The following KIRREL3 variants were observed in gnomAD, a reference collection of about 807,000 sequenced individuals.
KIRREL3 encodes the protein kin of IRRE-like protein 3.
A neutral mutation model predicts 89.7 loss-of-function variants in KIRREL3; 36 were observed. The ratio of observed to expected loss-of-function variants is 0.40; its 90% CI spans 0.31 to 0.53. KIRREL3 has a LOEUF of 0.53. KIRREL3 is among the 20% of genes least tolerant of loss of function. KIRREL3 has a pLI of 0.49. For missense variants in KIRREL3, 864 were observed against 1,056.6 expected, an observed-to-expected ratio of 0.82 and a Z score of 2.53; for synonymous variants, 445 against 441.4, an observed-to-expected ratio of 1.01 and a Z score of -0.10.
At chr11:126,885,025 A>C (rs1369308508) in intron 1 of KIRREL3, among the ~76,000 whole-genome samples, 1 of 152,248 alleles carries the variant, frequency 6.6e-6, no homozygotes, top group Non-Finnish European at 1.5e-5. Flanking sequence ...AGACTCTTCC[A>C]CAAATCCAAG....
intron 1 of KIRREL3, among the ~76,000 whole-genome samples, chr11:126,577,042 C>T (rs1294139356): frequency 6.6e-6 from 1 of 152,164 alleles, no homozygotes; most frequent in Non-Finnish European, 1.5e-5. Context: ...GCCACTCAAC[C>T]TCTGGGTGGG....
In KIRREL3 at chr11:126,615,387, G is replaced by A. The variant is rs572752274; in HGVS notation, c.56-52475C>T. 1.1e-3 allele frequency among the ~76,000 whole-genome samples: 173 copies of A among 152,232 alleles called. No individual in the cohort carries two copies. The highest frequency in any genetic ancestry group is 4.1e-3 in the African/African-American group (171 of 41,524). On this transcript the variant is annotated intron_variant, in intron 1 of 16. Transcript: ENST00000525144. This position sits in a 1 kb window ranked among gnomAD's most constrained non-coding sequence, Gnocchi z 5.4. The stretch of plus-strand genomic sequence containing the variant: ...CTTTATCTTGTTTAACTCTCCTAAT[G>A]CTTTAGAAGTAAGTATATTTATTAC...
rs1369745459 is a variant in KIRREL3 at position 126,742,030 on chromosome 11, G to A, written c.56-179118C>T. On this transcript the variant is annotated intron_variant, in intron 1 of 16. Transcript: ENST00000525144. This position sits in a 1 kb window ranked among gnomAD's most constrained non-coding sequence, Gnocchi z 5.3. Reference sequence around the variant, plus strand: ...AGGAGGTTGAATGGAGGACGCTTGTGCTAAGAAGGGAGAACTATTTAGAAC... The same window carrying A: ...AGGAGGTTGAATGGAGGACGCTTGTACTAAGAAGGGAGAACTATTTAGAAC... Among the ~76,000 whole-genome samples the A allele has an allele frequency of 6.6e-6, 1 of 152,208 alleles. No individual in the cohort carries two copies. The highest frequency in any genetic ancestry group is 1.5e-5 in the Non-Finnish European group (1 of 68,034).
intron 1 of KIRREL3, among the ~76,000 whole-genome samples, chr11:126,634,124 G>A (rs538714624): frequency 6.6e-6 from 1 of 152,170 alleles, no homozygotes; most frequent in Non-Finnish European, 1.5e-5. Context: ...TTTCTGGGGT[G>A]ATCCAGTGTC....
chr11:126,502,702 G>A (rs911378962), intron 4 of KIRREL3, among the ~76,000 whole-genome samples: 5 of 152,234 alleles, frequency 3.3e-5, no homozygotes, highest in African/African-American at 1.2e-4. Context: ...ATGTTTCCTA[G>A]TTTGACACCT....
At chr11:126,826,452 T>C (rs1943416138) in intron 1 of KIRREL3, among the ~76,000 whole-genome samples, 1 of 152,174 alleles carries the variant, frequency 6.6e-6, no homozygotes, top group Non-Finnish European at 1.5e-5. Context: ...ATTAAGTGGG[T>C]CCCTTTGTCT....
At chr11:126,672,983 G>A (rs1700498386) in intron 1 of KIRREL3, among the ~76,000 whole-genome samples, 1 of 152,188 alleles carries the variant, frequency 6.6e-6, no homozygotes, top group African/African-American at 2.4e-5. Flanking sequence ...ATAACAAATA[G>A]GCTTGAGTTT....
intron 1 of KIRREL3, among the ~76,000 whole-genome samples, chr11:126,701,398 C>T (rs541147165): frequency 2.6e-5 from 4 of 151,950 alleles, no homozygotes; most frequent in Non-Finnish European, 1.5e-5. Context: ...ACTGTGTTCA[C>T]GCTGTTACAA....
Position 126,687,634 on chromosome 11 carries a change from T to C in KIRREL3, c.56-124722A>G, listed in dbSNP as rs1006913384. On this transcript the variant is annotated intron_variant, in intron 1 of 16. Transcript: ENST00000525144. This position sits in a 1 kb window ranked among gnomAD's most constrained non-coding sequence, Gnocchi z 4.6. The stretch of plus-strand genomic sequence containing the variant: ...GTTCATTGATTGATAGAGTAAATCA[T>C]TGATATTTTTCCCCATTGCTTCATT... Among the ~76,000 whole-genome samples the C allele has an allele frequency of 6.6e-5, 10 of 152,216 alleles. No individual in the cohort carries two copies.
At chr11:126,581,304 G>A (rs1046541888) in intron 1 of KIRREL3, among the ~76,000 whole-genome samples, 2 of 152,226 alleles carry the variant, frequency 1.3e-5, no homozygotes, top group African/African-American at 2.4e-5. Flanking sequence ...CTGGGTTCAA[G>A]TGATTTTCCC....
chr11:126,461,533 TG>T (rs1355371842), intron 6 of KIRREL3, among the ~76,000 whole-genome samples: 2 of 152,114 alleles, frequency 1.3e-5, no homozygotes, highest in Non-Finnish European at 2.9e-5. Context: ...GGGACAGAGA[TG>T]TTTGTTAATA....
chr11:126,968,786 C>T (rs185141515), intron 1 of KIRREL3, among the ~76,000 whole-genome samples: 8 of 152,258 alleles, frequency 5.3e-5, no homozygotes, highest in Non-Finnish European at 8.8e-5. Flanking sequence ...ATCAGGAACT[C>T]TACAGGATGG....
chr11:126,844,087 A>G lies in KIRREL3; in HGVS notation c.55+156368T>C, dbSNP rs1427668197. 1.3e-5 allele frequency among the ~76,000 whole-genome samples: 2 copies of G among 152,156 alleles called. No homozygotes were observed. The highest frequency in any genetic ancestry group is 4.8e-5 in the African/African-American group (2 of 41,438). On this transcript the variant is annotated intron_variant, in intron 1 of 16. Transcript: ENST00000525144. This position sits in a 1 kb window ranked among gnomAD's most constrained non-coding sequence, Gnocchi z 4.8. Reference sequence around the variant, plus strand: ...ATTCTTTCTTGTACGAGATCCAAGAACCCTCTTTTGGAGTCTGGATGGGGA... The same window carrying G: ...ATTCTTTCTTGTACGAGATCCAAGAGCCCTCTTTTGGAGTCTGGATGGGGA...
At chr11:126,801,151 T>C (rs1192274187) in intron 1 of KIRREL3, among the ~76,000 whole-genome samples, 1 of 152,202 alleles carries the variant, frequency 6.6e-6, no homozygotes. Context: ...TCTGCATAAT[T>C]GGGAATTAAT....
rs1207788193 is a variant in KIRREL3, at chr11:126,990,454, T to TC, written c.55+10000dup. ...CCCATCCCTCCCGTCCCTTCCCAGC[T>TC]CCCGGCAGCCACTAGGCTTTCCCCT... is the stretch of plus-strand genomic sequence containing the variant. On this transcript the variant is annotated intron_variant, in intron 1 of 16. Coordinates refer to ENST00000525144, the MANE Select transcript of KIRREL3 (RefSeq NM_032531.4). The surrounding 1 kb of genome is among the most constrained non-coding windows in gnomAD (Gnocchi z 6.3). Among the ~76,000 whole-genome samples, 1 of 150,928 alleles carries TC rather than the reference T, an allele frequency of 6.6e-6. No homozygotes were observed. Among genetic ancestry groups the TC allele is most frequent in the Non-Finnish European group, 1.5e-5 (1 of 67,832 alleles).
upstream of KIRREL3, chr11:127,000,930 AAGG>A (rs1345525567): frequency 2.0e-5 from 7 of 354,252 alleles, no homozygotes; most frequent in African/African-American, 4.2e-5. This position sits in a 1 kb window ranked among gnomAD's most constrained non-coding sequence, Gnocchi z 7.1. Context: ...CACTCGGAAA[AAGG>A]AGATCTATGC....
At chr11:126,631,276 T>C (rs938799637) in intron 1 of KIRREL3, among the ~76,000 whole-genome samples, 1 of 152,136 alleles carries the variant, frequency 6.6e-6, no homozygotes, top group Non-Finnish European at 1.5e-5. Context: ...ATTTTACACA[T>C]GAGGAAACCG....
intron 2 of KIRREL3, among the ~76,000 whole-genome samples, chr11:126,556,022 G>A (rs907087621): frequency 1.4e-4 from 21 of 152,330 alleles, no homozygotes; most frequent in African/African-American, 2.9e-4. Context: ...GATTATAGGC[G>A]TGAGCCACCG....
chr11:126,871,297 C>T (rs1451904547), intron 1 of KIRREL3, among the ~76,000 whole-genome samples: 1 of 152,138 alleles, frequency 6.6e-6, no homozygotes, highest in African/African-American at 2.4e-5. Context: ...TGCAGGACCA[C>T]CTTTGAGAGA....
Sources: allele counts gnomAD v4.1 joint callset (sites outside exome capture counted in the v4.1 genomes callset), GRCh38; gene constraint gnomAD v4.1.1; non-coding constraint Gnocchi (gnomAD v3.1); transcripts MANE v1.5; gene names NCBI Gene and HGNC (gene_info 2026-07-23, HGNC 2026-07-21).